TEX9: variants seen among roughly 807,000 people sequenced by gnomAD.
The protein encoded by TEX9 is testis expressed 9.
TEX9 carries 74 observed loss-of-function variants against 59.6 expected under a neutral mutation model. That is an observed-to-expected ratio of 1.24 (90% CI 1.03 to 1.51). The LOEUF is 1.51. Ranked by LOEUF, TEX9 falls within the 40% of genes most tolerant of loss-of-function variation. The pLI is 0.00. For missense variants in TEX9, 522 were observed against 447.8 expected (o/e 1.17, Z -1.49); for synonymous variants, 186 against 152.2 (o/e 1.22, Z -1.64).
chr15:56,246,946 G>T (rs2043872499), intron 1 of TEX9, among the ~76,000 whole-genome samples: 2 of 152,180 alleles, frequency 1.3e-5, no homozygotes, highest in African/African-American at 4.8e-5. Flanking sequence ...GTAAACCAGG[G>T]AAGTGTTGTC....
At chr15:56,341,143 C>G (rs1482295944) in intron 1 of TEX9, among the ~76,000 whole-genome samples, 2 of 152,098 alleles carry the variant, frequency 1.3e-5, no homozygotes, top group Non-Finnish European at 2.9e-5. Flanking sequence ...TTAATTAATA[C>G]CAATGAAGAG....
At chr15:56,371,503 T>A (rs950963619) in intron 2 of TEX9, among the ~76,000 whole-genome samples, 10 of 152,172 alleles carry the variant, frequency 6.6e-5, no homozygotes, top group East Asian at 1.9e-4. Flanking sequence ...AATCTTTTTT[T>A]AATTGTTATA....
At chr15:56,457,246 C>CT in the TEX9 span, among the ~76,000 whole-genome samples, 10 of 152,122 alleles carry the variant, frequency 6.6e-5, no homozygotes, top group African/African-American at 2.4e-4. Context: ...TATCACTGAA[C>CT]TTTTTTTCTC....
At chr15:56,428,640 T>G in intron 12 of TEX9, 2 of 463,180 alleles carry the variant, frequency 4.3e-6, no homozygotes, top group Non-Finnish European at 7.6e-6. Flanking sequence ...GTTCTTAGCG[T>G]GACAATTAAG....
At chr15:56,288,094 G>A (rs1198029115) in intron 1 of TEX9, among the ~76,000 whole-genome samples, 2 of 152,078 alleles carry the variant, frequency 1.3e-5, no homozygotes, top group South Asian at 2.1e-4. Context: ...TGAGCAATCT[G>A]CATACTATTT....
At chr15:56,311,293 CT>C (rs1264084024) in intron 1 of TEX9, among the ~76,000 whole-genome samples, 3 of 111,042 alleles carry the variant, frequency 2.7e-5, no homozygotes, top group Admixed American at 1.9e-4. Context: ...TCCCTCCCCC[CT>C]CCCCCCACCC....
rs186441499 is a variant in TEX9, at chr15:56,423,604, C to A, written c.964-4001C>A. 4.1e-3 allele frequency among the ~76,000 whole-genome samples: 626 copies of A among 152,106 alleles called. 1 individual carries two copies. The highest frequency in any genetic ancestry group is 6.7e-3 in the Non-Finnish European group (456 of 67,996). ...TTTTAGTAGTCACAAAGTTGTGCAA[C>A]CATCACCACAATCAATTTTGCAATT... On this transcript the variant is annotated intron_variant, in intron 10 of 12. Transcript: ENST00000352903.
intron 1 of TEX9, among the ~76,000 whole-genome samples, chr15:56,349,706 T>G (rs1282764071): frequency 2.0e-5 from 3 of 152,054 alleles, no homozygotes; most frequent in Non-Finnish European, 2.9e-5. Context: ...TACACACACG[T>G]GTATATGTAT....
intron 2 of TEX9, among the ~76,000 whole-genome samples, chr15:56,371,313 A>T (rs577149204): frequency 6.6e-6 from 1 of 152,094 alleles, no homozygotes; most frequent in East Asian, 1.9e-4. Flanking sequence ...TATGCCCATT[A>T]TGCTGTTCAA....
chr15:56,292,451 C>A (rs191999855), intron 1 of TEX9, among the ~76,000 whole-genome samples: 37 of 152,218 alleles, frequency 2.4e-4, no homozygotes, highest in Non-Finnish European at 4.6e-4. Flanking sequence ...TCTGAGTATT[C>A]CTGTGCCTGG....
In TEX9 at chr15:56,443,895, A is replaced by C. The variant is rs768461448; in HGVS notation, c.*30-1776A>C. 7 of 1,385,328 alleles carry C rather than the reference A, an allele frequency of 5.1e-6. No homozygotes were observed. The African/African-American group carries it at 1.0e-4, about 20-fold the overall frequency. The allele number at this position is 1,385,328 out of a possible 1,614,324, so 85.8% of individuals were successfully genotyped here. ...AAGTACAGATTTATAGTAAACAATAAAATATAAAAAAGTAATTTCATTTTG... is the reference window on the plus strand; with the variant it reads ...AAGTACAGATTTATAGTAAACAATACAATATAAAAAAGTAATTTCATTTTG... On this transcript the variant is annotated intron_variant, in intron 12 of 12. Transcript: ENST00000352903.
intron 1 of TEX9, among the ~76,000 whole-genome samples, chr15:56,266,438 T>C (rs528023324): frequency 1.3e-5 from 2 of 152,218 alleles, no homozygotes; most frequent in East Asian, 1.9e-4. Flanking sequence ...AACTCGTTGT[T>C]TACTTTAGGT....
intron 1 of TEX9, among the ~76,000 whole-genome samples, chr15:56,278,702 C>T (rs1871959223): frequency 6.6e-6 from 1 of 152,106 alleles, no homozygotes; most frequent in Non-Finnish European, 1.5e-5. Context: ...TCCCCACAGG[C>T]CCAAAACTCA....
intron 1 of TEX9, among the ~76,000 whole-genome samples, chr15:56,321,532 A>G (rs1434763591): frequency 1.3e-5 from 2 of 152,200 alleles, no homozygotes; most frequent in African/African-American, 2.4e-5. Context: ...TAAGGCCATT[A>G]TATGAAAAGG....
At chr15:56,260,038 A>G (rs1389555907) in intron 1 of TEX9, among the ~76,000 whole-genome samples, 2 of 151,998 alleles carry the variant, frequency 1.3e-5, no homozygotes, top group African/African-American at 4.8e-5. Context: ...AAAATTTTTT[A>G]TTTACCAATT....
chr15:56,427,882 G>GAAATCTAACATTTA (rs1189812394), intron 11 of TEX9, 143 bp downstream of exon 11: 1 of 611,856 alleles, frequency 1.6e-6, no homozygotes, highest in Non-Finnish European at 2.7e-6. Flanking sequence ...GAAATCATAT[G>GAAATCTAACATTTA]AAATCTAACA....
chr15:56,373,026 C>A (rs1432757727), intron 2 of TEX9, among the ~76,000 whole-genome samples: 1 of 152,178 alleles, frequency 6.6e-6, no homozygotes, highest in Non-Finnish European at 1.5e-5. Context: ...CAGAGCAGGT[C>A]TCCCCCATAC....
chr15:56,446,044 C>G (rs745884098), downstream of TEX9: 12 of 151,978 alleles, frequency 7.9e-5, no homozygotes, highest in African/African-American at 2.4e-4. Context: ...ATTGTACACA[C>G]GCAACACACA....
chr15:56,363,692 G>T (rs1417556410), upstream of TEX9, among the ~76,000 whole-genome samples: 24 of 150,488 alleles, frequency 1.6e-4, no homozygotes, highest in Admixed American at 7.9e-4. Context: ...TTGAGACAGG[G>T]TCTCACTCTG....
Sources: allele counts gnomAD v4.1 joint callset (sites outside exome capture counted in the v4.1 genomes callset), GRCh38; gene constraint gnomAD v4.1.1; transcripts MANE v1.5; gene names NCBI Gene and HGNC (gene_info 2026-07-23, HGNC 2026-07-21).